TBCK: variants seen among roughly 807,000 people sequenced by gnomAD.
The protein encoded by TBCK is TBC domain-containing protein kinase-like protein.
In TBCK, 99 loss-of-function variants were observed where a neutral mutation model predicts 113.4. That is an observed-to-expected ratio of 0.87 (90% CI 0.74 to 1.03). The LOEUF (loss-of-function observed/expected upper bound fraction) is 1.03. Ranked by LOEUF, TBCK falls within the 50% of genes least tolerant of loss-of-function variation. The pLI is 0.00. For synonymous variants in TBCK, 369 were observed against 370.8 expected, an observed-to-expected ratio of 1.00 and a Z score of 0.05; for missense variants, 1,045 against 1,061.3, an observed-to-expected ratio of 0.98 and a Z score of 0.21.
intron 23 of TBCK, among the ~76,000 whole-genome samples, chr4:106,170,233 A>G (rs1387019144): frequency 6.6e-6 from 1 of 152,096 alleles, no homozygotes; most frequent in African/African-American, 2.4e-5. Context: ...GACAACTACT[A>G]CTTTTGGAAA....
intron 23 of TBCK, among the ~76,000 whole-genome samples, chr4:106,143,149 T>C (rs1747330477): frequency 6.6e-6 from 1 of 152,202 alleles, no homozygotes; most frequent in Admixed American, 6.5e-5. Flanking sequence ...AATTTCTAAA[T>C]ATCTCTTTCT....
chr4:106,205,506 G>T (rs939967600), intron 20 of TBCK, among the ~76,000 whole-genome samples: 4 of 150,074 alleles, frequency 2.7e-5, no homozygotes, highest in African/African-American at 7.4e-5. Flanking sequence ...CACTTTGGGA[G>T]GCCAAGGCAG....
At chr4:106,295,212 AT>A (rs1766166195) in intron 2 of TBCK, 46 bp from the exon 3 acceptor site, 2 of 1,567,250 alleles carry the variant, frequency 1.3e-6, no homozygotes, top group African/African-American at 1.4e-5. Flanking sequence ...TCAATACAAC[AT>A]GTTAAAAACA....
intron 20 of TBCK, among the ~76,000 whole-genome samples, chr4:106,206,518 C>CAAGA (rs916273629): frequency 6.6e-6 from 1 of 152,090 alleles, no homozygotes; most frequent in African/African-American, 2.4e-5. Context: ...AGCTACCAGA[C>CAAGA]AAGAGGACAC....
intron 23 of TBCK, among the ~76,000 whole-genome samples, chr4:106,125,602 G>A (rs1274926180): frequency 6.6e-6 from 1 of 152,124 alleles, no homozygotes; most frequent in African/African-American, 2.4e-5. Context: ...AATAAGCCAG[G>A]CACAGAAAGG....
rs1734042357 is a variant in TBCK at position 106,044,469 on chromosome 4, G to A, written c.*2101C>T. The A allele has an allele frequency of 7.1e-6, 1 of 140,422 alleles. No individual in the cohort carries two copies. The highest frequency in any genetic ancestry group is 3.3e-5 in the African/African-American group (1 of 30,462). The allele number at this position is 140,422 out of a possible 1,614,324, so 8.7% of individuals were successfully genotyped here. A position where few individuals can be genotyped will look rare whatever the true frequency, so the allele number is the denominator to read the frequency against. ...AAGGATCACAAATGATATAACTATG[G>A]ATTATATTAGTGTCTTAGAAATACA... On this transcript the variant is annotated 3_prime_UTR_variant, in exon 26 of 26. Coordinates refer to ENST00000394708, the MANE Select transcript of TBCK (RefSeq NM_001163435.3).
At chr4:106,078,095 G>A (rs1326538670) in intron 25 of TBCK, among the ~76,000 whole-genome samples, 1 of 151,468 alleles carries the variant, frequency 6.6e-6, no homozygotes, top group East Asian at 1.9e-4. Context: ...TGAAATGAAT[G>A]AAAACAGACA....
In TBCK at chr4:106,247,280, G is replaced by C. The variant is rs755203126; in HGVS notation, c.790C>G (p.Pro264Ala). 1.2e-6 allele frequency: 2 copies of C among 1,611,232 alleles called. No homozygotes were observed. Among genetic ancestry groups the C allele is most frequent in the African/African-American group, 1.3e-5 (1 of 74,888 alleles). The change falls in exon 10 of 26, where the codon CCA (proline) becomes GCA (alanine). Residue 264 changes from proline (P) to alanine (A), a missense_variant. By Grantham distance (27) the Pro-to-Ala change is conservative. Transcript: ENST00000394708. ...LTFHPSKRPT[P>A]DQLMKDKVFS... ...ACTTTGTCCTTCATTAATTGATCTG[G>C]GGTTGGCCTTGAGAACATTTAAAAT...
Position 106,193,602 on chromosome 4 carries a change from T to A in TBCK, c.2059+7A>T. ...CATTTAATGGCTCCATTTATTTAGA[T>A]CTATACCTGGTAAATCGGAGAAGAG... On this transcript the variant is annotated splice_region_variant and intron_variant, in intron 22 of 25. Transcript: ENST00000394708. The A allele has an allele frequency of 6.2e-7, 1 of 1,612,916 alleles. No homozygotes were observed.
intron 2 of TBCK, among the ~76,000 whole-genome samples, chr4:106,295,524 GA>G (rs1361641642): frequency 8.6e-5 from 13 of 152,002 alleles, no homozygotes; most frequent in Non-Finnish European, 1.9e-4. Flanking sequence ...TGAAAGAAGG[GA>G]AAAGGAGCTA....
chr4:106,277,416 A>C (rs1681900035), intron 3 of TBCK, among the ~76,000 whole-genome samples: 1 of 152,212 alleles, frequency 6.6e-6, no homozygotes, highest in Admixed American at 6.5e-5. Context: ...AGCTTTAGTC[A>C]TAATAGCCAA....
chr4:106,062,535 T>C (rs1043186706), intron 25 of TBCK, among the ~76,000 whole-genome samples: 2 of 151,882 alleles, frequency 1.3e-5, no homozygotes, highest in South Asian at 2.1e-4. Context: ...CTGAAAAGAA[T>C]GTATACAATA....
In TBCK at chr4:106,043,736, A is replaced by AGT. The variant is rs56842619; in HGVS notation, c.*2832_*2833dup. 15,167 of 149,060 alleles carry AGT rather than the reference A, an allele frequency of 0.1. 1,125 individuals are homozygous for AGT. Among genetic ancestry groups the AGT allele is most frequent in the East Asian group, 0.29 (1,470 of 5,042 alleles). The allele number at this position is 149,060 out of a possible 1,614,324, so 9.2% of individuals were successfully genotyped here. Reference sequence around the variant, plus strand: ...GTTAATAAGTGTGTTTATGAATGTGAGTGTGTGTGTGTGTGTGTGTGTATG... The same window carrying AGT: ...GTTAATAAGTGTGTTTATGAATGTGAGTGTGTGTGTGTGTGTGTGTGTGTATG... On this transcript the variant is annotated 3_prime_UTR_variant, in exon 26 of 26. Coordinates refer to ENST00000394708, the MANE Select transcript of TBCK (RefSeq NM_001163435.3).
intron 1 of TBCK, among the ~76,000 whole-genome samples, chr4:106,311,708 A>AT (rs1437570393): frequency 6.6e-6 from 1 of 152,064 alleles, no homozygotes; most frequent in East Asian, 1.9e-4. Flanking sequence ...ATGCTTGGTA[A>AT]TTTCCATGCT....
At chr4:106,074,473 T>G (rs549716113) in intron 25 of TBCK, among the ~76,000 whole-genome samples, 2 of 152,348 alleles carry the variant, frequency 1.3e-5, no homozygotes, top group East Asian at 1.9e-4. Context: ...ATGCCTAATC[T>G]AAAATCTTCA....
intron 17 of TBCK, among the ~76,000 whole-genome samples, chr4:106,232,251 A>T (rs186771789): frequency 6.6e-6 from 1 of 151,990 alleles, no homozygotes; most frequent in East Asian, 1.9e-4. Context: ...AATGATATGC[A>T]TGTATTGTCA....
Position 106,236,422 on chromosome 4 carries a change from T to G in TBCK, c.1318A>C (p.Asn440His), listed in dbSNP as rs770676978. The G allele has an allele frequency of 6.5e-7, 1 of 1,550,302 alleles. No individual in the cohort carries two copies. Among genetic ancestry groups the G allele is most frequent in the Non-Finnish European group, 8.7e-7 (1 of 1,147,340 alleles). Residue 440 changes from asparagine (N) to histidine (H), a missense_variant, in exon 14 of 26, where the codon AAT becomes CAT. By Grantham distance (68) the Asn-to-His change is moderately conservative (BLOSUM62 1). Coordinates refer to ENST00000394708, the MANE Select transcript of TBCK (RefSeq NM_001163435.3). ...AGCCTGTCGAAGAGAATAATTCTAT[T>G]TAGTTGGTACTCTGTATCCTTCTCT... ...IREKDTEYQL[N>H]RIILFDRLLK...
chr4:106,252,654 GATGAAACAAAAACAT>G (rs1761564073), intron 5 of TBCK, among the ~76,000 whole-genome samples: 1 of 151,930 alleles, frequency 6.6e-6, no homozygotes, highest in Non-Finnish European at 1.5e-5. Flanking sequence ...TACTTAATTT[GATGAAACAAAAACAT>G]TTTGGAACTT....
intron 19 of TBCK, among the ~76,000 whole-genome samples, chr4:106,226,384 T>C (rs937801674): frequency 6.6e-6 from 1 of 152,186 alleles, no homozygotes; most frequent in Non-Finnish European, 1.5e-5. Flanking sequence ...TTTTAAGAGG[T>C]GGCCATCTAG....
Sources: gnomAD v4.1 joint callset for allele counts (sites outside exome capture counted in the v4.1 genomes callset) on GRCh38, gnomAD v4.1.1 for gene constraint, MANE v1.5 for transcripts, NCBI Gene and HGNC (gene_info 2026-07-23, HGNC 2026-07-21) for gene names.